The following LRRC37A2 variants were observed in gnomAD, a reference collection of about 807,000 sequenced individuals.
LRRC37A2 encodes leucine rich repeat containing 37 member A2, also known as leucine-rich repeat-containing protein 37A2.
A neutral mutation model predicts 68.8 loss-of-function variants in LRRC37A2; 9 were observed. That is an observed-to-expected ratio of 0.13 (90% CI 0.08 to 0.23). The LOEUF (loss-of-function observed/expected upper bound fraction) is 0.23, where lower values mean the gene tolerates loss of function less well. Ranked by LOEUF, LRRC37A2 falls within the 10% of genes least tolerant of loss-of-function variation. The pLI, the probability that LRRC37A2 is intolerant of heterozygous loss-of-function variation, is 1.00. For missense variants in LRRC37A2, 168 were observed against 950.4 expected (o/e 0.18, Z 10.82); for synonymous variants, 63 against 367.6 (o/e 0.17, Z 9.48).
the LRRC37A2 span, chr17:46,923,298 C>T: frequency 1.5e-4 from 226 of 1,547,642 alleles, no homozygotes; most frequent in Non-Finnish European, 1.9e-4. Flanking sequence ...GCTGAGGCCT[C>T]GGACGTCAGC....
At chr17:47,029,131 T>C in the LRRC37A2 span, among the ~76,000 whole-genome samples, 6 of 151,820 alleles carry the variant, frequency 4.0e-5, no homozygotes, top group Non-Finnish European at 8.8e-5. Context: ...TGAGCCGAGA[T>C]TGTGCCACTA....
At chr17:46,993,936 C>T in the LRRC37A2 span, among the ~76,000 whole-genome samples, 1 of 146,644 alleles carries the variant, frequency 6.8e-6, no homozygotes, top group Admixed American at 6.7e-5. Context: ...AGGTGCCACA[C>T]TGCCTTCTTA....
At chr17:46,719,503 T>C in the LRRC37A2 span, among the ~76,000 whole-genome samples, 5 of 152,208 alleles carry the variant, frequency 3.3e-5, no homozygotes, top group African/African-American at 9.6e-5. The surrounding 1 kb of genome is among the most constrained non-coding windows in gnomAD (Gnocchi z 4.3). Context: ...TAGTGAATCC[T>C]TTCTCCATGG....
chr17:46,985,124 G>C, the LRRC37A2 span, among the ~76,000 whole-genome samples: 1 of 152,166 alleles, frequency 6.6e-6, no homozygotes, highest in Non-Finnish European at 1.5e-5. Flanking sequence ...TACTGCATCT[G>C]GTACGGAATT....
chr17:46,786,965 TCTCA>T, the LRRC37A2 span, among the ~76,000 whole-genome samples: 1 of 149,164 alleles, frequency 6.7e-6, no homozygotes, highest in Non-Finnish European at 1.5e-5. Context: ...TGAGACAGGG[TCTCA>T]CTCTGTCACA....
the LRRC37A2 span, among the ~76,000 whole-genome samples, chr17:46,610,007 C>CTT: frequency 7.7e-5 from 9 of 117,038 alleles, no homozygotes; most frequent in East Asian, 2.1e-4. Flanking sequence ...CTTTCTTTCT[C>CTT]TCTTTCTTTC....
chr17:47,008,583 C>T, the LRRC37A2 span, among the ~76,000 whole-genome samples: 1 of 151,890 alleles, frequency 6.6e-6, no homozygotes. Context: ...CTCAGCTTCC[C>T]AAGTAGCTGG....
chr17:46,738,669 C>T, the LRRC37A2 span, among the ~76,000 whole-genome samples: 1 of 152,174 alleles, frequency 6.6e-6, no homozygotes. Context: ...GTTTTGCTAT[C>T]AGCTGTTACT....
the LRRC37A2 span, among the ~76,000 whole-genome samples, chr17:46,947,733 G>A: frequency 6.6e-6 from 1 of 152,146 alleles, no homozygotes; most frequent in Non-Finnish European, 1.5e-5. Context: ...GGTAGCAAAA[G>A]TGCCTGTATT....
the LRRC37A2 span, among the ~76,000 whole-genome samples, chr17:46,795,320 G>C: frequency 3.3e-5 from 5 of 152,184 alleles, no homozygotes; most frequent in African/African-American, 9.7e-5. Flanking sequence ...ACTGGGGATG[G>C]TGCAAGAATA....
chr17:46,428,925 C>CAAAAAAAAAAAAAAAAAAA, the LRRC37A2 span, among the ~76,000 whole-genome samples: 2 of 6,878 alleles, frequency 2.9e-4, 1 homozygote, highest in Non-Finnish European at 4.4e-4. Flanking sequence ...GACTCCATCT[C>CAAAAAAAAAAAAAAAAAAA]AAAAAAAAAA....
the LRRC37A2 span, among the ~76,000 whole-genome samples, chr17:46,502,896 G>A: frequency 7.3e-5 from 11 of 150,700 alleles, no homozygotes; most frequent in Non-Finnish European, 1.2e-4. Context: ...GCTGGTCTCC[G>A]TGGTAGCACT....
At chr17:46,673,910 G>GGTGT in the LRRC37A2 span, among the ~76,000 whole-genome samples, 4 of 6,984 alleles carry the variant, frequency 5.7e-4, 1 homozygote, top group African/African-American at 1.0e-3. Context: ...ATTCCATGGG[G>GGTGT]GTGTGTGTGT....
chr17:46,896,452 A>AAAAGAAAGAAAGAAAG, the LRRC37A2 span, among the ~76,000 whole-genome samples: 366 of 65,864 alleles, frequency 5.6e-3, 9 homozygotes, highest in African/African-American at 0.018. Context: ...GAAAGAAAGA[A>AAAAGAAAGAAAGAAAG]AAAGAAAGAA....
At chr17:47,008,824 C>A in the LRRC37A2 span, among the ~76,000 whole-genome samples, 1 of 151,960 alleles carries the variant, frequency 6.6e-6, no homozygotes, top group Non-Finnish European at 1.5e-5. Flanking sequence ...GAGATTCTGA[C>A]AAAATTAAAT....
At chr17:46,802,330 A>T in the LRRC37A2 span, among the ~76,000 whole-genome samples, 1 of 152,088 alleles carries the variant, frequency 6.6e-6, no homozygotes, top group African/African-American at 2.4e-5. Context: ...CAGTGTTGTG[A>T]TCTCAGCTCA....
At chr17:47,021,481 G>A in the LRRC37A2 span, 29 of 288,042 alleles carry the variant, frequency 1.0e-4, no homozygotes, top group South Asian at 8.0e-4. Context: ...TGTTGATAAT[G>A]ATAAGCTTTT....
the LRRC37A2 span, chr17:46,940,440 T>C: frequency 1.0e-5 from 16 of 1,604,690 alleles, no homozygotes; most frequent in Admixed American, 1.7e-5. Flanking sequence ...GGGAGGCACA[T>C]TGACATTTCC....
chr17:46,762,264 G>A, the LRRC37A2 span, among the ~76,000 whole-genome samples: 1 of 152,150 alleles, frequency 6.6e-6, no homozygotes, highest in African/African-American at 2.4e-5. Context: ...TACACAAGTT[G>A]TTGTTTTCTA....
Sources: allele counts gnomAD v4.1 joint callset (sites outside exome capture counted in the v4.1 genomes callset), GRCh38; gene constraint gnomAD v4.1.1; non-coding constraint Gnocchi (gnomAD v3.1); transcripts MANE v1.5; gene names NCBI Gene and HGNC (gene_info 2026-07-23, HGNC 2026-07-21).